GPHN: variants seen among roughly 807,000 people sequenced by gnomAD.
The protein encoded by GPHN is gephyrin.
In GPHN, 17 loss-of-function variants were observed where a neutral mutation model predicts 95.5. That is an observed-to-expected ratio of 0.18 (90% CI 0.12 to 0.27). The LOEUF (loss-of-function observed/expected upper bound fraction) is 0.27, where lower values mean the gene tolerates loss of function less well. GPHN is among the 10% of genes least tolerant of loss of function. The probability of loss-of-function intolerance (pLI) is 1.00; values close to 1 mark genes in which losing one functional copy is unlikely to be tolerated. For synonymous variants in GPHN, 320 were observed against 322.5 expected, an observed-to-expected ratio of 0.99 and a Z score of 0.08; for missense variants, 660 against 978.1, an observed-to-expected ratio of 0.67 and a Z score of 4.34.
chr14:67,221,974 ACT>A, the GPHN span: 2 of 767,896 alleles, frequency 2.6e-6, no homozygotes, highest in Non-Finnish European at 3.9e-6. Flanking sequence ...TACTGAAGAA[ACT>A]CTTTCTCAAA....
At chr14:67,314,201 G>A in the GPHN span, among the ~76,000 whole-genome samples, 2 of 144,046 alleles carry the variant, frequency 1.4e-5, no homozygotes, top group East Asian at 2.4e-4. Context: ...GAAAAGGAGG[G>A]CATGAAAAAA....
the GPHN span, among the ~76,000 whole-genome samples, chr14:67,257,252 C>T: frequency 3.9e-5 from 6 of 152,136 alleles, no homozygotes; most frequent in Non-Finnish European, 1.5e-5. Flanking sequence ...GCAGAGGAAG[C>T]AATCAGATAT....
chr14:67,295,084 A>G, the GPHN span: 1 of 149,384 alleles, frequency 6.7e-6, no homozygotes, highest in African/African-American at 2.5e-5. Context: ...GAGAAATGGT[A>G]TTTGATTTTG....
intron 2 of GPHN, among the ~76,000 whole-genome samples, chr14:66,689,667 C>G (rs1178675877): frequency 6.6e-6 from 1 of 152,044 alleles, no homozygotes; most frequent in South Asian, 2.1e-4. Context: ...AACAGTGAAG[C>G]CATAGGGTCC....
chr14:67,477,240 A>G, the GPHN span, among the ~76,000 whole-genome samples: 1 of 151,858 alleles, frequency 6.6e-6, no homozygotes, highest in African/African-American at 2.4e-5. Context: ...CCTGCCATTC[A>G]AGATTCTTCA....
At chr14:67,140,587 A>C (rs1388932344) in intron 17 of GPHN, among the ~76,000 whole-genome samples, 1 of 152,130 alleles carries the variant, frequency 6.6e-6, no homozygotes, top group Non-Finnish European at 1.5e-5. Context: ...AAAATTAGCT[A>C]ATATCTTTTT....
At chr14:67,373,187 G>A in the GPHN span, among the ~76,000 whole-genome samples, 1 of 152,132 alleles carries the variant, frequency 6.6e-6, no homozygotes, top group East Asian at 1.9e-4. Context: ...GAAAATTTAT[G>A]TTCACAGAGA....
At chr14:67,106,040 T>C in intron 13 of GPHN, among the ~76,000 whole-genome samples, 1 of 152,182 alleles carries the variant, frequency 6.6e-6, no homozygotes, top group Non-Finnish European at 1.5e-5. Context: ...TTGTCTTTTT[T>C]GCTTCCAGAT....
At chr14:67,224,732 A>G in the GPHN span, 45,461 of 273,542 alleles carry the variant, frequency 0.17, 6,738 homozygotes, top group East Asian at 0.44. Context: ...AAGAAGAGAA[A>G]GAAAAATCAC....
the GPHN span, chr14:67,397,686 G>A: frequency 1.3e-4 from 205 of 1,612,992 alleles, 1 homozygote; most frequent in Middle Eastern, 1.8e-3. Flanking sequence ...ACTCCAGGCA[G>A]GGGCAGGTGA....
chr14:66,905,921 G>A (rs1335615229), intron 5 of GPHN, among the ~76,000 whole-genome samples: 2 of 151,754 alleles, frequency 1.3e-5, no homozygotes, highest in African/African-American at 4.8e-5. Flanking sequence ...TCCTTTTATG[G>A]CTGTATAGTA....
the GPHN span, among the ~76,000 whole-genome samples, chr14:67,342,357 A>G: frequency 6.6e-6 from 1 of 152,072 alleles, no homozygotes; most frequent in African/African-American, 2.4e-5. Context: ...ACCATAACAA[A>G]TACAACACTG....
At chr14:67,376,433 T>A in the GPHN span, 7 of 1,581,236 alleles carry the variant, frequency 4.4e-6, no homozygotes, top group Admixed American at 1.1e-4. Flanking sequence ...TTCATTTTAT[T>A]TCTAGGTTTA....
chr14:67,292,797 A>G, the GPHN span: 1 of 1,068,728 alleles, frequency 9.4e-7, no homozygotes, highest in Non-Finnish European at 1.4e-6. Context: ...GGAAAATACT[A>G]ATGTGACTAT....
chr14:66,723,080 TCTCA>T (rs2070902667), intron 2 of GPHN, among the ~76,000 whole-genome samples: 1 of 152,064 alleles, frequency 6.6e-6, no homozygotes, highest in Non-Finnish European at 1.5e-5. Context: ...TGTGACAGGG[TCTCA>T]CTCTGTCGCC....
intron 2 of GPHN, among the ~76,000 whole-genome samples, chr14:66,713,742 G>C (rs1447341695): frequency 7.7e-6 from 1 of 130,346 alleles, no homozygotes; most frequent in Non-Finnish European, 1.5e-5. Context: ...CATTTTCTTT[G>C]TTGTTTTTTT....
chr14:66,786,652 A>G (rs1216280038), intron 3 of GPHN, among the ~76,000 whole-genome samples: 1 of 152,136 alleles, frequency 6.6e-6, no homozygotes, highest in African/African-American at 2.4e-5. Context: ...ACATGCAACA[A>G]TGTATAAAAA....
At chr14:67,614,102 AT>A in the GPHN span, among the ~76,000 whole-genome samples, 1 of 152,002 alleles carries the variant, frequency 6.6e-6, no homozygotes, top group East Asian at 1.9e-4. Context: ...CACCCAGCTA[AT>A]TTTGTTTATT....
chr14:67,097,080 T>C (rs1002789729), intron 12 of GPHN, among the ~76,000 whole-genome samples: 1 of 152,214 alleles, frequency 6.6e-6, no homozygotes, highest in African/African-American at 2.4e-5. Flanking sequence ...ATACTTAACA[T>C]ATTGAACATT....
Sources: gnomAD v4.1 joint callset for allele counts (sites outside exome capture counted in the v4.1 genomes callset) on GRCh38, gnomAD v4.1.1 for gene constraint, MANE v1.5 for transcripts, NCBI Gene and HGNC (gene_info 2026-07-23, HGNC 2026-07-21) for gene names.